The following VPS13A variants were observed in gnomAD, a reference collection of about 807,000 sequenced individuals.
VPS13A encodes intermembrane lipid transfer protein VPS13A.
Under a neutral mutation model 390.9 loss-of-function variants are expected in VPS13A, and 264 were observed. The observed-to-expected ratio is 0.68, with a 90% CI of 0.61 to 0.75. The LOEUF is 0.75. VPS13A is among the 30% of genes least tolerant of loss of function. The pLI is 0.00. For missense variants in VPS13A, 3,409 were observed against 3,733.9 expected (o/e 0.91, Z 2.27); for synonymous variants, 1,231 against 1,227.1 (o/e 1.00, Z -0.07).
chr9:77,207,389 G>A (rs532136819), intron 5 of VPS13A, among the ~76,000 whole-genome samples: 3 of 147,634 alleles, frequency 2.0e-5, no homozygotes, highest in South Asian at 4.3e-4. Context: ...AATATATAAC[G>A]TGTAATATAT....
At chr9:77,213,211 C>A in intron 8 of VPS13A, 23 bp from the exon 9 acceptor site, 2 of 1,601,658 alleles carry the variant, frequency 1.2e-6, no homozygotes, top group Non-Finnish European at 1.7e-6. Context: ...GAAAATGAGA[C>A]ATCTAATAAA....
At chr9:77,241,335 G>A (rs1385021709) in intron 19 of VPS13A, among the ~76,000 whole-genome samples, 1 of 151,574 alleles carries the variant, frequency 6.6e-6, no homozygotes, top group Non-Finnish European at 1.5e-5. Flanking sequence ...TAATTTCAGT[G>A]ATTATATTTT....
chr9:77,205,386 T>A lies in VPS13A; in HGVS notation c.261T>A (p.Tyr87Ter). The A allele has an allele frequency of 6.8e-7, 1 of 1,472,738 alleles. No homozygotes were observed. The highest frequency in any genetic ancestry group is 9.1e-7 in the Non-Finnish European group (1 of 1,101,294). 91.2% of individuals were successfully genotyped at this position (1,472,738 alleles called of 1,614,324 possible). ...TTGAAGCCGTATTGGAAGAAATTTA[T>A]TTACTTATAGTGCCTTCTTCTAGTA... ...QPVEAVLEEI[Y>*]LLIVPSSRIK... Residue 87 changes from tyrosine (Y) to a stop codon, truncating the protein, a stop_gained, in exon 4 of 72, where the codon TAT (tyrosine) becomes TAA (stop). Coordinates refer to ENST00000360280, the MANE Select transcript of VPS13A (RefSeq NM_033305.3). LOFTEE classifies it high-confidence loss of function.
rs1236851278 is a variant in VPS13A at position 77,212,465 on chromosome 9, T to C, written c.556-504T>C. ...TCTCTTTATCCATCACACCCCTGAA[T>C]TGGATGCTCCTGCCATGCCCTCTCA... On this transcript the variant is annotated intron_variant, in intron 7 of 71. Coordinates refer to ENST00000360280, the MANE Select transcript of VPS13A (RefSeq NM_033305.3). 2.0e-5 allele frequency among the ~76,000 whole-genome samples: 3 copies of C among 152,096 alleles called. No homozygotes were observed. The East Asian group carries it at 5.8e-4, about 29-fold the overall frequency.
At position 77,321,745 on chromosome 9, in the gene VPS13A, T is replaced by C; in HGVS notation, c.5829T>C (p.Leu1943=). 1 of 1,613,150 alleles carries C rather than the reference T, an allele frequency of 6.2e-7. No individual in the cohort carries two copies. The highest frequency in any genetic ancestry group is 8.5e-7 in the Non-Finnish European group (1 of 1,179,410). ...SLSSKLFFIL[L]TPVNHSTADK... ...GCAGCAAACTCTTCTTCATTCTTCTTAGTAAGTAGTTGAAAAATTACCTTC... is the reference window on the plus strand; with the variant it reads ...GCAGCAAACTCTTCTTCATTCTTCTCAGTAAGTAGTTGAAAAATTACCTTC... Residue 1943 remains leucine, a splice_region_variant and synonymous_variant, in exon 44 of 72, where the codon CTT becomes CTC. Coordinates refer to ENST00000360280, the MANE Select transcript of VPS13A (RefSeq NM_033305.3).
At chr9:77,306,346 G>A (rs1165240040) in intron 34 of VPS13A, among the ~76,000 whole-genome samples, 2 of 151,112 alleles carry the variant, frequency 1.3e-5, no homozygotes, top group East Asian at 3.9e-4. Flanking sequence ...CAAACTCAAA[G>A]ATCTTTTTTA....
intron 17 of VPS13A, among the ~76,000 whole-genome samples, chr9:77,233,657 C>T (rs1345759021): frequency 6.6e-6 from 1 of 150,776 alleles, no homozygotes; most frequent in Non-Finnish European, 1.5e-5. Flanking sequence ...TTTTTTTTAA[C>T]CTGTTGCTTG....
chr9:77,230,184 A>G (rs1381930215), intron 17 of VPS13A, among the ~76,000 whole-genome samples: 4 of 152,206 alleles, frequency 2.6e-5, no homozygotes, highest in Non-Finnish European at 5.9e-5. Flanking sequence ...CTTATTAGAT[A>G]AACAATTTTC....
intron 67 of VPS13A, among the ~76,000 whole-genome samples, chr9:77,375,740 T>G (rs116779153): frequency 0.015 from 2,228 of 152,318 alleles, 52 homozygotes; most frequent in African/African-American, 0.051. Flanking sequence ...AATAATTATC[T>G]GAATAGAGTT....
At position 77,296,896 on chromosome 9, in the gene VPS13A, G is replaced by T. The variant is rs200561138; in HGVS notation, c.3812+1050G>T. 1.8e-4 allele frequency among the ~76,000 whole-genome samples: 28 copies of T among 152,112 alleles called. No homozygotes were observed. The East Asian group carries it at 5.0e-3, about 27-fold the overall frequency. On this transcript the variant is annotated intron_variant, in intron 33 of 71. Transcript: ENST00000360280. ...AGCGATCCTCCCTAATTTCTTAAAAGAATTTATCCATTTCATCTAAGTTGT... is the reference window on the plus strand; with the variant it reads ...AGCGATCCTCCCTAATTTCTTAAAATAATTTATCCATTTCATCTAAGTTGT...
At chr9:77,254,803 TTTA>T (rs1435565700) in intron 22 of VPS13A, among the ~76,000 whole-genome samples, 4 of 152,190 alleles carry the variant, frequency 2.6e-5, no homozygotes, top group Non-Finnish European at 5.9e-5. Flanking sequence ...GGGGGGATTG[TTTA>T]TTGTTAGTAT....
Position 77,221,194 on chromosome 9 carries a change from T to A in VPS13A, c.999T>A (p.Tyr333Ter). 1 of 1,613,404 alleles carries A rather than the reference T, an allele frequency of 6.2e-7. No homozygotes were observed. The highest frequency in any genetic ancestry group is 8.5e-7 in the Non-Finnish European group (1 of 1,179,480). The change falls in exon 13 of 72, where the codon TAT becomes TAA. Residue 333 changes from tyrosine (Y) to a stop codon, truncating the protein, a stop_gained. Coordinates refer to ENST00000360280, the MANE Select transcript of VPS13A (RefSeq NM_033305.3). LOFTEE classifies it high-confidence loss of function. ...TTCTTTTTTTAACTAGGTGGGCTTA[T>A]GCTATACATGGCGTTCTTGAAGTAA... is the stretch of plus-strand genomic sequence containing the variant. ...LHHHAREWWA[Y>*]AIHGVLEVNV...
At chr9:77,353,289 C>T (rs548510600) in intron 53 of VPS13A, 120 bp from the exon 54 acceptor site, 6 of 712,536 alleles carry the variant, frequency 8.4e-6, no homozygotes. Flanking sequence ...TTGCCACTAA[C>T]CCCATGAAGT....
chr9:77,242,248 TC>T (rs1337990491), intron 19 of VPS13A, among the ~76,000 whole-genome samples: 2 of 152,194 alleles, frequency 1.3e-5, no homozygotes, highest in African/African-American at 2.4e-5. Flanking sequence ...TCTGTCATTT[TC>T]CTTTGTTCTC....
At chr9:77,375,434 G>A (rs533669430) in intron 67 of VPS13A, among the ~76,000 whole-genome samples, 72 of 152,204 alleles carry the variant, frequency 4.7e-4, no homozygotes, top group African/African-American at 1.7e-3. Flanking sequence ...AGAATGATTG[G>A]CATTAAATAT....
Position 77,332,099 on chromosome 9 carries a change from A to G in VPS13A, c.6081A>G (p.Pro2027=), listed in dbSNP as rs1172649876. The G allele has an allele frequency of 7.5e-6, 12 of 1,609,388 alleles. No individual in the cohort carries two copies. In the African/African-American group the frequency reaches 9.4e-5, roughly 13 times the overall value. Residue 2027 remains proline, a synonymous_variant, in exon 46 of 72, where the codon CCA becomes CCG. Transcript: ENST00000360280. The part of the protein sequence containing the change: ...TASPENEFNI[P]LGSYRSFIFL... The stretch of plus-strand genomic sequence containing the variant: ...CACCTGAAAATGAATTCAACATACC[A>G]TTAGGATCTTACCGGTATTTTGTCT...
chr9:77,184,724 A>G (rs562742226), intron 1 of VPS13A, among the ~76,000 whole-genome samples: 1 of 152,270 alleles, frequency 6.6e-6, no homozygotes, highest in South Asian at 2.1e-4. Flanking sequence ...GGTGTGATAC[A>G]TTACATTAAT....
At chr9:77,330,576 T>C (rs1830230847) in intron 45 of VPS13A, among the ~76,000 whole-genome samples, 1 of 152,116 alleles carries the variant, frequency 6.6e-6, no homozygotes, top group African/African-American at 2.4e-5. Context: ...TTTACATCAG[T>C]GATAAGTTGA....
At position 77,246,723 on chromosome 9, in the gene VPS13A, A is replaced by G. The variant is rs138692188; in HGVS notation, c.1901-536A>G. 4.0e-3 allele frequency among the ~76,000 whole-genome samples: 605 copies of G among 152,302 alleles called. 3 individuals are homozygous for G. Among genetic ancestry groups the G allele is most frequent in the African/African-American group, 0.014 (567 of 41,570 alleles). Reference sequence around the variant, plus strand: ...ACATGCAAGTGAATGAATTAAATTTATTAGACTAAAAAACTCCAAGTGAAT... The same window carrying G: ...ACATGCAAGTGAATGAATTAAATTTGTTAGACTAAAAAACTCCAAGTGAAT... On this transcript the variant is annotated intron_variant, in intron 19 of 71. Transcript: ENST00000360280.
Sources: gnomAD v4.1 joint callset for allele counts (sites outside exome capture counted in the v4.1 genomes callset) on GRCh38, gnomAD v4.1.1 for gene constraint, MANE v1.5 for transcripts, NCBI Gene and HGNC (gene_info 2026-07-23, HGNC 2026-07-21) for gene names.